The following LINGO2 variants were observed in gnomAD, a reference collection of about 807,000 sequenced individuals.
LINGO2 encodes leucine rich repeat and Ig domain containing 2.
Under a neutral mutation model 30.6 loss-of-function variants are expected in LINGO2, and 14 were observed. The observed-to-expected ratio is 0.46, with a 90% CI of 0.30 to 0.72. LINGO2 has a LOEUF of 0.72. Among genes scored for constraint, LINGO2 ranks in the 30% least tolerant of loss-of-function variants. LINGO2 has a pLI of 0.07. For missense variants in LINGO2, 729 were observed against 751.7 expected (o/e 0.97, Z 0.35); for synonymous variants, 317 against 288.5 (o/e 1.10, Z -1.00).
chr9:28,150,412 C>T lies in LINGO2; in HGVS notation c.-86-138007G>A, dbSNP rs879182637. The stretch of plus-strand genomic sequence containing the variant: ...CATTCTGGCCAACATGGTGAAACTC[C>T]GTCTCTACTGAAAATACAAGAATTA... On this transcript the variant is annotated intron_variant, in intron 4 of 5. Transcript: ENST00000379992. Among the ~76,000 whole-genome samples the T allele has an allele frequency of 8.5e-5, 13 of 152,092 alleles. No individual in the cohort carries two copies. In the South Asian group the frequency reaches 1.7e-3, roughly 19 times the overall value.
chr9:28,430,699 G>C lies in LINGO2; in HGVS notation c.-279+45241C>G, dbSNP rs1823629929. On this transcript the variant is annotated intron_variant, in intron 2 of 5. Transcript: ENST00000379992. ...ATTACATATTAGTTATGCCTTGCTGGGTGACAAACTGACCTAAAACTGGGT... is the reference window on the plus strand; with the variant it reads ...ATTACATATTAGTTATGCCTTGCTGCGTGACAAACTGACCTAAAACTGGGT... Among the ~76,000 whole-genome samples, 3 of 152,026 alleles carry C rather than the reference G, an allele frequency of 2.0e-5. No individual in the cohort carries two copies. In the South Asian group the frequency reaches 6.2e-4, roughly 31 times the overall value.
chr9:28,839,490 G>A, the LINGO2 span, among the ~76,000 whole-genome samples: 55 of 152,096 alleles, frequency 3.6e-4, no homozygotes, highest in Admixed American at 1.4e-3. Context: ...TCTCAGCAGA[G>A]AGGAGACCAG....
intron 4 of LINGO2, among the ~76,000 whole-genome samples, chr9:28,030,613 C>G (rs1823620450): frequency 1.3e-5 from 2 of 152,210 alleles, no homozygotes; most frequent in South Asian, 4.1e-4. Flanking sequence ...TATTAAGTGT[C>G]TGCTCCAGGA....
chr9:28,054,064 C>CAAAAAAAAAAAA (rs11461978), intron 4 of LINGO2, among the ~76,000 whole-genome samples: 5 of 149,186 alleles, frequency 3.4e-5, no homozygotes, highest in African/African-American at 9.8e-5. Flanking sequence ...AGCTAGCAGA[C>CAAAAAAAAAAAA]AAAAAAAAAG....
chr9:28,180,479 G>C (rs1828881468), intron 4 of LINGO2, among the ~76,000 whole-genome samples: 1 of 152,052 alleles, frequency 6.6e-6, no homozygotes, highest in African/African-American at 2.4e-5. Flanking sequence ...GTCATTATTT[G>C]GCAAAAGGAA....
At chr9:29,002,226 A>G in the LINGO2 span, among the ~76,000 whole-genome samples, 1,644 of 152,116 alleles carry the variant, frequency 0.011, 30 homozygotes, top group African/African-American at 0.038. Context: ...TTAAATTCCT[A>G]GTGTCTTTTA....
intron 4 of LINGO2, among the ~76,000 whole-genome samples, chr9:28,122,601 C>T (rs549521811): frequency 6.6e-6 from 1 of 152,288 alleles, no homozygotes; most frequent in Admixed American, 6.5e-5. Flanking sequence ...AAGAGTCGCT[C>T]TGTGGGTTTC....
chr9:28,998,386 T>C, the LINGO2 span, among the ~76,000 whole-genome samples: 1 of 152,178 alleles, frequency 6.6e-6, no homozygotes, highest in South Asian at 2.1e-4. Context: ...CCATGTTTGC[T>C]TTAATTATGT....
chr9:28,344,037 C>A (rs542830241), intron 3 of LINGO2, among the ~76,000 whole-genome samples: 1 of 152,212 alleles, frequency 6.6e-6, no homozygotes, highest in Admixed American at 6.5e-5. Flanking sequence ...CTCTGTGTAT[C>A]TCGTCCCCCA....
At chr9:28,829,023 A>G in the LINGO2 span, among the ~76,000 whole-genome samples, 1 of 152,220 alleles carries the variant, frequency 6.6e-6, no homozygotes, top group African/African-American at 2.4e-5. Flanking sequence ...TGCCTTTTCC[A>G]AAACCACCCA....
chr9:29,040,078 A>G, the LINGO2 span, among the ~76,000 whole-genome samples: 1 of 152,160 alleles, frequency 6.6e-6, no homozygotes, highest in African/African-American at 2.4e-5. Flanking sequence ...TTTGAAAATT[A>G]CATTATTTGT....
chr9:28,872,685 T>A, the LINGO2 span, among the ~76,000 whole-genome samples: 2 of 152,120 alleles, frequency 1.3e-5, no homozygotes, highest in African/African-American at 4.8e-5. Flanking sequence ...TTTGATTAAA[T>A]AGGTACTTTG....
At chr9:28,506,501 C>G (rs189907648) in intron 1 of LINGO2, among the ~76,000 whole-genome samples, 1 of 85,368 alleles carries the variant, frequency 1.2e-5, no homozygotes, top group African/African-American at 4.5e-5. Context: ...CACACACACA[C>G]AGACATATAT....
chr9:27,960,962 A>G lies in LINGO2; in HGVS notation c.-35-10256T>C, dbSNP rs1183722971. Among the ~76,000 whole-genome samples the G allele has an allele frequency of 3.3e-5, 5 of 152,202 alleles. No individual in the cohort carries two copies. The East Asian group carries it at 9.7e-4, about 29-fold the overall frequency. On this transcript the variant is annotated intron_variant, in intron 5 of 5. Transcript: ENST00000379992. Reference sequence around the variant, plus strand: ...TTCCTCTAGGGATTAAAGTATATAGATGGTCTCCAATTTATAATGGTCGAT... The same window carrying G: ...TTCCTCTAGGGATTAAAGTATATAGGTGGTCTCCAATTTATAATGGTCGAT...
chr9:28,233,391 C>A (rs1821443094), intron 4 of LINGO2, among the ~76,000 whole-genome samples: 2 of 151,948 alleles, frequency 1.3e-5, no homozygotes, highest in Admixed American at 1.3e-4. Flanking sequence ...GTATATCTGG[C>A]AAGATGACCT....
At chr9:28,102,429 A>AT (rs1440718122) in intron 4 of LINGO2, among the ~76,000 whole-genome samples, 3 of 152,146 alleles carry the variant, frequency 2.0e-5, no homozygotes, top group Non-Finnish European at 4.4e-5. Context: ...AGAGATCTTT[A>AT]TTTTTTAAAA....
intron 4 of LINGO2, among the ~76,000 whole-genome samples, chr9:28,068,789 G>A (rs1825388473): frequency 6.6e-6 from 1 of 152,080 alleles, no homozygotes; most frequent in Non-Finnish European, 1.5e-5. Flanking sequence ...GAGCTTTTGA[G>A]TTCAAATCCA....
intron 5 of LINGO2, among the ~76,000 whole-genome samples, chr9:27,981,560 G>GAAAA (rs1318410176): frequency 1.1e-5 from 1 of 87,290 alleles, no homozygotes; most frequent in East Asian, 4.5e-4. Flanking sequence ...AGAAAAAAAA[G>GAAAA]AAAAAAAAAG....
the LINGO2 span, among the ~76,000 whole-genome samples, chr9:28,886,517 T>G: frequency 6.6e-6 from 1 of 152,116 alleles, no homozygotes; most frequent in African/African-American, 2.4e-5. Context: ...AATTAGAGTC[T>G]TACCTTCCAG....
Sources: allele counts gnomAD v4.1 joint callset (sites outside exome capture counted in the v4.1 genomes callset), GRCh38; gene constraint gnomAD v4.1.1; transcripts MANE v1.5; gene names NCBI Gene and HGNC (gene_info 2026-07-23, HGNC 2026-07-21).